The following ARB2A variants were observed in gnomAD, a reference collection of about 807,000 sequenced individuals.
ARB2A encodes the protein ARB2 cotranscriptional regulator A.
At chr5:93,626,985 T>C in the ARB2A span, among the ~76,000 whole-genome samples, 1 of 152,236 alleles carries the variant, frequency 6.6e-6, no homozygotes, top group Non-Finnish European at 1.5e-5. Flanking sequence ...TTTTATCAAC[T>C]AAGTTTATGC....
chr5:94,074,319 T>C, the ARB2A span, among the ~76,000 whole-genome samples: 1 of 151,964 alleles, frequency 6.6e-6, no homozygotes, highest in Non-Finnish European at 1.5e-5. Context: ...CCTAATCCAG[T>C]ATGACATTCC....
At chr5:93,844,624 A>T in the ARB2A span, among the ~76,000 whole-genome samples, 1 of 152,322 alleles carries the variant, frequency 6.6e-6, no homozygotes, top group East Asian at 1.9e-4. Flanking sequence ...ATCAAGAAAG[A>T]GGAAGACATG....
At chr5:94,053,381 A>G in the ARB2A span, among the ~76,000 whole-genome samples, 1 of 152,176 alleles carries the variant, frequency 6.6e-6, no homozygotes, top group Non-Finnish European at 1.5e-5. Flanking sequence ...CCAAAATACT[A>G]TATTATGATC....
the ARB2A span, among the ~76,000 whole-genome samples, chr5:93,724,191 G>A: frequency 2.0e-5 from 3 of 151,582 alleles, no homozygotes; most frequent in East Asian, 1.9e-4. Flanking sequence ...AGGGTGCTCC[G>A]AGTTAAGAAA....
At chr5:93,795,509 T>C in the ARB2A span, among the ~76,000 whole-genome samples, 2 of 152,172 alleles carry the variant, frequency 1.3e-5, no homozygotes, top group South Asian at 2.1e-4. Flanking sequence ...TGGTAGTTCT[T>C]GGAGCATACA....
chr5:93,785,740 A>G, the ARB2A span, among the ~76,000 whole-genome samples: 2 of 152,170 alleles, frequency 1.3e-5, no homozygotes, highest in Non-Finnish European at 2.9e-5. Context: ...ATAATATAAA[A>G]ATCTTAAAAT....
At chr5:93,745,795 C>T in the ARB2A span, among the ~76,000 whole-genome samples, 1 of 151,990 alleles carries the variant, frequency 6.6e-6, no homozygotes, top group Non-Finnish European at 1.5e-5. Context: ...TTTATCGTCT[C>T]CCCACTCTGC....
At chr5:94,049,882 A>T in the ARB2A span, among the ~76,000 whole-genome samples, 1 of 152,206 alleles carries the variant, frequency 6.6e-6, no homozygotes, top group Non-Finnish European at 1.5e-5. Context: ...TTTCTTATGT[A>T]ATGACTCACT....
At chr5:94,044,046 T>C in the ARB2A span, among the ~76,000 whole-genome samples, 1 of 152,210 alleles carries the variant, frequency 6.6e-6, no homozygotes, top group Non-Finnish European at 1.5e-5. Context: ...TCTGCAATTT[T>C]GGCTAACCCT....
the ARB2A span, among the ~76,000 whole-genome samples, chr5:93,856,696 A>C: frequency 6.6e-6 from 1 of 152,000 alleles, no homozygotes; most frequent in South Asian, 2.1e-4. Context: ...AATTTTTTTC[A>C]AAGTTTTTAA....
chr5:93,644,175 T>C, the ARB2A span, among the ~76,000 whole-genome samples: 4 of 152,148 alleles, frequency 2.6e-5, no homozygotes, highest in African/African-American at 9.7e-5. Context: ...AGTAGCTGAG[T>C]CCAGATCCCA....
chr5:93,819,094 G>C, the ARB2A span, among the ~76,000 whole-genome samples: 1 of 147,210 alleles, frequency 6.8e-6, no homozygotes, highest in Non-Finnish European at 1.5e-5. Flanking sequence ...GCTGAGGCAG[G>C]AGAATGGCGT....
chr5:94,062,882 C>T, the ARB2A span, among the ~76,000 whole-genome samples: 2,171 of 152,296 alleles, frequency 0.014, 56 homozygotes, highest in African/African-American at 0.049. Flanking sequence ...CCCATTGCCC[C>T]AAACAGCAAA....
At chr5:93,776,255 T>C in the ARB2A span, 1 of 1,593,728 alleles carries the variant, frequency 6.3e-7, no homozygotes, top group African/African-American at 1.3e-5. Context: ...TGCAATGTAA[T>C]AGAGACAATA....
chr5:94,099,409 G>C, the ARB2A span, among the ~76,000 whole-genome samples: 1 of 151,858 alleles, frequency 6.6e-6, no homozygotes, highest in Non-Finnish European at 1.5e-5. Context: ...TGGATCACGA[G>C]GTCAGGAGAT....
the ARB2A span, among the ~76,000 whole-genome samples, chr5:94,020,235 C>CACGG: frequency 7.1e-6 from 1 of 140,514 alleles, no homozygotes; most frequent in South Asian, 2.2e-4. Context: ...AACACATGGA[C>CACGG]ACGGGGCGGG....
At chr5:93,813,270 G>T in the ARB2A span, among the ~76,000 whole-genome samples, 3 of 152,166 alleles carry the variant, frequency 2.0e-5, no homozygotes, top group Non-Finnish European at 4.4e-5. Flanking sequence ...AAGTGGCAAA[G>T]AACTTGGCTG....
At chr5:93,759,640 A>T in the ARB2A span, among the ~76,000 whole-genome samples, 2 of 152,258 alleles carry the variant, frequency 1.3e-5, no homozygotes, top group Non-Finnish European at 2.9e-5. Context: ...AATTAAAAAC[A>T]AAAATCACAT....
At chr5:93,740,599 G>A in the ARB2A span, 2 of 1,598,956 alleles carry the variant, frequency 1.3e-6, no homozygotes, top group Non-Finnish European at 1.7e-6. Flanking sequence ...GAGGCCCAGA[G>A]TGGTGGCTGG....
Sources: allele counts gnomAD v4.1 joint callset (sites outside exome capture counted in the v4.1 genomes callset), GRCh38; gene constraint gnomAD v4.1.1; transcripts MANE v1.5; gene names NCBI Gene and HGNC (gene_info 2026-07-23, HGNC 2026-07-21).